Variants in AVEN observed in about 807,000 individuals in gnomAD.
AVEN encodes the protein cell death regulator Aven.
A neutral mutation model predicts 38.1 loss-of-function variants in AVEN; 41 were observed. The observed-to-expected ratio is 1.08, with a 90% CI of 0.84 to 1.40. The LOEUF (loss-of-function observed/expected upper bound fraction) is 1.40. Ranked by LOEUF, AVEN falls within the 40% of genes most tolerant of loss-of-function variation. The pLI is 0.00. For synonymous variants in AVEN, 206 were observed against 171.8 expected, an observed-to-expected ratio of 1.20 and a Z score of -1.56; for missense variants, 605 against 438.8, an observed-to-expected ratio of 1.38 and a Z score of -3.38.
At chr15:33,952,843 A>G (rs1054456112) in intron 2 of AVEN, among the ~76,000 whole-genome samples, 1 of 151,482 alleles carries the variant, frequency 6.6e-6, no homozygotes, top group African/African-American at 2.4e-5. Context: ...ACCCTTGTCC[A>G]TAAGAGGCTA....
intron 2 of AVEN, among the ~76,000 whole-genome samples, chr15:33,881,574 G>C (rs115957120): frequency 0.016 from 2,403 of 152,228 alleles, 69 homozygotes; most frequent in African/African-American, 0.054. Context: ...TTCTCACATT[G>C]AAGATGAAAG....
intron 2 of AVEN, among the ~76,000 whole-genome samples, chr15:33,950,257 T>C (rs1032500350): frequency 6.6e-6 from 1 of 152,214 alleles, no homozygotes; most frequent in African/African-American, 2.4e-5. Context: ...CTTTCAGTTA[T>C]GAGTAAGTTC....
intron 5 of AVEN, among the ~76,000 whole-genome samples, chr15:34,053,319 A>AAAAAAAAAATATATATATAT (rs775436850): frequency 2.1e-4 from 9 of 42,062 alleles, no homozygotes; most frequent in African/African-American, 7.2e-4. Flanking sequence ...AAAAAAAAAA[A>AAAAAAAAAATATATATATAT]ATATATATAT....
intron 2 of AVEN, among the ~76,000 whole-genome samples, chr15:33,964,871 G>A (rs763067814): frequency 3.3e-5 from 5 of 152,124 alleles, no homozygotes; most frequent in African/African-American, 4.8e-5. Context: ...CTGGAGAGAC[G>A]CCACTCTTTC....
intron 2 of AVEN, among the ~76,000 whole-genome samples, chr15:33,899,288 A>C (rs1176784649): frequency 6.6e-6 from 1 of 152,006 alleles, no homozygotes; most frequent in East Asian, 1.9e-4. Flanking sequence ...GCTCAAACTG[A>C]ATTTTCTTCA....
chr15:33,905,826 G>GA (rs36006399), intron 2 of AVEN, among the ~76,000 whole-genome samples: 8 of 143,226 alleles, frequency 5.6e-5, no homozygotes, highest in South Asian at 2.2e-4. Flanking sequence ...TTTCGGGAAA[G>GA]AAAAAAAAAA....
chr15:33,860,603 A>G (rs1260277745), intron 11 of AVEN: 1 of 1,585,004 alleles, frequency 6.3e-7, no homozygotes, highest in East Asian at 2.3e-5. Flanking sequence ...AGGTCTTATT[A>G]TTGATGCTTT....
At chr15:33,888,143 T>C (rs946716847) in intron 2 of AVEN, among the ~76,000 whole-genome samples, 1 of 152,198 alleles carries the variant, frequency 6.6e-6, no homozygotes, top group Non-Finnish European at 1.5e-5. Flanking sequence ...GAAAGATCCT[T>C]GATTATTCAT....
At chr15:34,059,689 G>A (rs958979815) in intron 5 of AVEN, among the ~76,000 whole-genome samples, 2 of 152,076 alleles carry the variant, frequency 1.3e-5, no homozygotes, top group African/African-American at 4.8e-5. Context: ...GAAACATTCT[G>A]GCACTAGCAT....
chr15:33,984,675 T>C (rs936916275), intron 2 of AVEN, among the ~76,000 whole-genome samples: 3 of 152,172 alleles, frequency 2.0e-5, no homozygotes, highest in African/African-American at 7.2e-5. Context: ...GTGCTCGGAT[T>C]ACAGGTGTGA....
downstream of AVEN, chr15:33,865,300 G>GAAGCGCGACAATTCTGGACACT: frequency 2.0e-6 from 2 of 991,310 alleles, no homozygotes; most frequent in African/African-American, 1.6e-5. Flanking sequence ...TTACAGTTCT[G>GAAGCGCGACAATTCTGGACACT]CAACATATCT....
intron 2 of AVEN, among the ~76,000 whole-genome samples, chr15:33,882,654 G>A (rs1891540321): frequency 6.6e-6 from 1 of 151,802 alleles, no homozygotes; most frequent in Non-Finnish European, 1.5e-5. Flanking sequence ...ATCAATTGAG[G>A]CCAGGAATTC....
intron 2 of AVEN, among the ~76,000 whole-genome samples, chr15:33,959,165 A>C: frequency 6.6e-6 from 1 of 152,146 alleles, no homozygotes. Flanking sequence ...TATCCAGTTG[A>C]AACATCACCT....
chr15:33,939,823 G>C (rs1894245237), intron 2 of AVEN, among the ~76,000 whole-genome samples: 1 of 152,172 alleles, frequency 6.6e-6, no homozygotes, highest in South Asian at 2.1e-4. Context: ...GTTAGGATTA[G>C]AAGAAGTCAT....
intron 5 of AVEN, chr15:34,062,747 C>T: frequency 6.2e-7 from 1 of 1,612,928 alleles, no homozygotes; most frequent in Non-Finnish European, 8.5e-7. Flanking sequence ...ACAATGCAAC[C>T]ACCGTCAATG....
At chr15:33,953,440 G>T (rs1894827377) in intron 2 of AVEN, among the ~76,000 whole-genome samples, 1 of 152,066 alleles carries the variant, frequency 6.6e-6, no homozygotes. Flanking sequence ...CCAAAACAGA[G>T]ATATAGACCA....
At chr15:33,870,670 G>A (rs567486584) in intron 4 of AVEN, among the ~76,000 whole-genome samples, 5 of 152,234 alleles carry the variant, frequency 3.3e-5, no homozygotes, top group Middle Eastern at 3.4e-3. Flanking sequence ...AATATTTTGA[G>A]TAAAATAGCC....
At chr15:34,013,712 G>A (rs139709080) in intron 1 of AVEN, among the ~76,000 whole-genome samples, 7 of 152,204 alleles carry the variant, frequency 4.6e-5, no homozygotes, top group East Asian at 3.9e-4. Context: ...AAGATGTTAC[G>A]GAAGCACAGA....
downstream of AVEN, among the ~76,000 whole-genome samples, chr15:33,861,716 G>C (rs1355976475): frequency 1.3e-5 from 2 of 152,112 alleles, no homozygotes; most frequent in African/African-American, 4.8e-5. Flanking sequence ...GCTAAATTCT[G>C]TGTTCAGTTT....
Sources: allele counts gnomAD v4.1 joint callset (sites outside exome capture counted in the v4.1 genomes callset), GRCh38; gene constraint gnomAD v4.1.1; transcripts MANE v1.5; gene names NCBI Gene and HGNC (gene_info 2026-07-23, HGNC 2026-07-21).